The following SCML4 variants were observed in gnomAD, a reference collection of about 807,000 sequenced individuals.
The protein encoded by SCML4 is Scm polycomb group protein like 4.
A neutral mutation model predicts 41.1 loss-of-function variants in SCML4; 34 were observed. That is an observed-to-expected ratio of 0.83 (90% CI 0.63 to 1.10). The LOEUF (loss-of-function observed/expected upper bound fraction) is 1.10, where lower values mean the gene tolerates loss of function less well. Among genes scored for constraint, SCML4 ranks in the 50% least tolerant of loss-of-function variants. The pLI is 0.00. For missense variants in SCML4, 522 were observed against 534.1 expected (o/e 0.98, Z 0.22); for synonymous variants, 214 against 220.9 (o/e 0.97, Z 0.28).
chr6:107,749,245 C>A (rs551332745), intron 3 of SCML4, among the ~76,000 whole-genome samples: 1 of 152,056 alleles, frequency 6.6e-6, no homozygotes, highest in Non-Finnish European at 1.5e-5. Flanking sequence ...ATACCTGCTA[C>A]CCTGACTGGG....
chr6:107,808,422 T>TTGTTTC (rs1346874534), intron 1 of SCML4, among the ~76,000 whole-genome samples: 1 of 151,916 alleles, frequency 6.6e-6, no homozygotes, highest in Non-Finnish European at 1.5e-5. Flanking sequence ...GGTTTGTTTT[T>TTGTTTC]TGTTTTTGTT....
In SCML4 at chr6:107,749,570, G is replaced by A. The variant is rs75107588; in HGVS notation, c.286+114C>T. 1.5e-4 allele frequency: 193 copies of A among 1,246,486 alleles called. 1 individual carries two copies. The African/African-American group carries it at 2.1e-3, about 14-fold the overall frequency. The allele number at this position is 1,246,486 out of a possible 1,614,324, so 77.2% of individuals were successfully genotyped here. A position where few individuals can be genotyped will look rare whatever the true frequency, so the allele number is the denominator to read the frequency against. ...TGCTGCCTAGCTAGCACACTAAATCGCTCATTTGAGCCATCTCAGCAACAA... is the reference window on the plus strand; with the variant it reads ...TGCTGCCTAGCTAGCACACTAAATCACTCATTTGAGCCATCTCAGCAACAA... On this transcript the variant is annotated intron_variant, in intron 3 of 7. Transcript: ENST00000369020.
At chr6:107,828,771 A>G (rs1785321414), upstream of SCML4, among the ~76,000 whole-genome samples, 1 of 152,220 alleles carries the variant, frequency 6.6e-6, no homozygotes, top group Non-Finnish European at 1.5e-5. Flanking sequence ...TAGTCAGACT[A>G]CACAAGAGTG....
At position 107,717,161 on chromosome 6, in the gene SCML4, A is replaced by C. The variant is rs1337672861; in HGVS notation, c.973+3542T>G. ...AAAAATACAAAAAAAAAAAAAAAAA[A>C]AAAAAAAAAAAAGCCAGGTGTGGTG... On this transcript the variant is annotated intron_variant, in intron 6 of 7. Transcript: ENST00000369020. Among the ~76,000 whole-genome samples the C allele has an allele frequency of 1.2e-3, 180 of 146,284 alleles. 6 individuals carry two copies. Among genetic ancestry groups the C allele is most frequent in the African/African-American group, 4.3e-3 (168 of 39,470 alleles).
At chr6:107,839,157 G>A in the SCML4 span, among the ~76,000 whole-genome samples, 3 of 151,982 alleles carry the variant, frequency 2.0e-5, no homozygotes, top group Non-Finnish European at 2.9e-5. Context: ...GCCGGGCATG[G>A]TGAAATATGC....
chr6:107,823,479 A>C (rs749350283), intron 1 of SCML4, among the ~76,000 whole-genome samples: 10 of 152,214 alleles, frequency 6.6e-5, no homozygotes, highest in Non-Finnish European at 1.3e-4. Flanking sequence ...ACTGCCGCTA[A>C]TACTCCATAG....
Position 107,705,119 on chromosome 6 carries a change from G to A in SCML4, c.*81C>T. The A allele has an allele frequency of 8.0e-7, 1 of 1,248,508 alleles. No homozygotes were observed. The highest frequency in any genetic ancestry group is 1.1e-6 in the Non-Finnish European group (1 of 872,670). 77.3% of individuals were successfully genotyped at this position (1,248,508 alleles called of 1,614,324 possible). ...ATTTTAAGAGGAGAGTCTAGTTTGT[G>A]ATGTTGGCGGGATATTGGTAAGGCA... is the stretch of plus-strand genomic sequence containing the variant. On this transcript the variant is annotated 3_prime_UTR_variant, in exon 8 of 8. Transcript: ENST00000369020.
At chr6:107,824,999 A>ATG (rs923390450), upstream of SCML4, among the ~76,000 whole-genome samples, 1 of 151,146 alleles carries the variant, frequency 6.6e-6, no homozygotes, top group Non-Finnish European at 1.5e-5. Flanking sequence ...CCAGGCCTGT[A>ATG]TGTGTGTGTG....
At chr6:107,727,540 CAT>C (rs1479229804) in intron 5 of SCML4, among the ~76,000 whole-genome samples, 3 of 151,278 alleles carry the variant, frequency 2.0e-5, no homozygotes, top group Non-Finnish European at 4.4e-5. Context: ...CCAGGACACA[CAT>C]AACCTAAGCA....
rs1773379724 is a variant in SCML4, at chr6:107,703,961, G to C, written c.*1239C>G. ...GAGAAAAGAGAAGGATAAAACGAAT[G>C]GTGGAGAAGTTGTGCCTCTGCCTAA... On this transcript the variant is annotated 3_prime_UTR_variant, in exon 8 of 8. Transcript: ENST00000369020. 1 of 152,230 alleles carries C rather than the reference G, an allele frequency of 6.6e-6. No homozygotes were observed. 9.4% of individuals were successfully genotyped at this position (152,230 alleles called of 1,614,324 possible).
At chr6:107,719,400 A>C (rs994579076) in intron 6 of SCML4, 2 of 152,360 alleles carry the variant, frequency 1.3e-5, no homozygotes, top group African/African-American at 4.8e-5. Flanking sequence ...CATACAAAAT[A>C]GCTCACGTGT....
intron 4 of SCML4, 39 bp from the exon 5 acceptor site, chr6:107,745,182 T>C (rs1777965011): frequency 2.8e-6 from 4 of 1,449,722 alleles, no homozygotes; most frequent in Non-Finnish European, 2.8e-6. Flanking sequence ...AGCCGGGCAC[T>C]GGAGAAAACC....
At chr6:107,813,700 C>T (rs989062645) in intron 1 of SCML4, among the ~76,000 whole-genome samples, 2 of 152,058 alleles carry the variant, frequency 1.3e-5, no homozygotes, top group Non-Finnish European at 2.9e-5. Flanking sequence ...CTACATGCTG[C>T]GGTTATCAGT....
At chr6:107,708,543 C>T (rs1285131175) in intron 6 of SCML4, among the ~76,000 whole-genome samples, 1 of 152,182 alleles carries the variant, frequency 6.6e-6, no homozygotes, top group African/African-American at 2.4e-5. Context: ...TCCACGGTAT[C>T]TGCAGAATGC....
At chr6:107,764,772 C>G (rs1054206848) in intron 2 of SCML4, among the ~76,000 whole-genome samples, 19 of 152,176 alleles carry the variant, frequency 1.2e-4, no homozygotes, top group African/African-American at 4.1e-4. Context: ...GTGGGAGGGA[C>G]CCGGTGGGAG....
At chr6:107,785,106 A>G (rs566556823) in intron 1 of SCML4, among the ~76,000 whole-genome samples, 13 of 152,258 alleles carry the variant, frequency 8.5e-5, no homozygotes, top group African/African-American at 3.1e-4. Context: ...GCTGACAGAC[A>G]CGCCTGGTTT....
intron 6 of SCML4, among the ~76,000 whole-genome samples, chr6:107,712,427 G>C (rs1217195629): frequency 6.6e-6 from 1 of 152,148 alleles, no homozygotes; most frequent in African/African-American, 2.4e-5. Flanking sequence ...GCTGAGCCAG[G>C]TGGCTGGTTT....
chr6:107,748,390 GGTTTTTTT>G (rs151311439), intron 3 of SCML4, among the ~76,000 whole-genome samples: 41 of 151,988 alleles, frequency 2.7e-4, no homozygotes, highest in African/African-American at 6.8e-4. Context: ...TGAAGAAATA[GGTTTTTTT>G]GTTTTTTTGT....
chr6:107,760,335 T>C (rs537526890), intron 2 of SCML4, among the ~76,000 whole-genome samples: 7 of 152,326 alleles, frequency 4.6e-5, no homozygotes, highest in African/African-American at 1.7e-4. Flanking sequence ...ATCTGGGCCA[T>C]GGGCATTGCT....
Sources: gnomAD v4.1 joint callset for allele counts (sites outside exome capture counted in the v4.1 genomes callset) on GRCh38, gnomAD v4.1.1 for gene constraint, MANE v1.5 for transcripts, NCBI Gene and HGNC (gene_info 2026-07-23, HGNC 2026-07-21) for gene names.